The following KLHL3 variants were observed in gnomAD, a reference collection of about 807,000 sequenced individuals.
KLHL3 encodes kelch-like protein 3.
A neutral mutation model predicts 70.5 loss-of-function variants in KLHL3; 19 were observed. That is an observed-to-expected ratio of 0.27 (90% CI 0.19 to 0.40). The LOEUF is 0.40. Among genes scored for constraint, KLHL3 ranks in the 10% least tolerant of loss-of-function variants. The pLI is 1.00. For synonymous variants in KLHL3, 258 were observed against 290.3 expected, an observed-to-expected ratio of 0.89 and a Z score of 1.13; for missense variants, 512 against 771.1, an observed-to-expected ratio of 0.66 and a Z score of 3.98.
At chr5:137,717,292 A>G (rs1049102834) in intron 2 of KLHL3, among the ~76,000 whole-genome samples, 4 of 152,270 alleles carry the variant, frequency 2.6e-5, no homozygotes, top group Non-Finnish European at 5.9e-5. Context: ...ATGCAAAGTT[A>G]CAAAATCTGT....
At chr5:137,623,305 T>A (rs1750367695) in intron 14 of KLHL3, among the ~76,000 whole-genome samples, 1 of 152,230 alleles carries the variant, frequency 6.6e-6, no homozygotes, top group Admixed American at 6.5e-5. Context: ...TGATTGAAGA[T>A]GAGATTGAGA....
intron 3 of KLHL3, among the ~76,000 whole-genome samples, chr5:137,703,875 A>C (rs1752621588): frequency 1.0e-5 from 1 of 96,022 alleles, no homozygotes; most frequent in Non-Finnish European, 2.4e-5. Context: ...TAGTGACTAC[A>C]AAAAAAAAAA....
At chr5:137,623,581 G>C (rs138760197) in intron 14 of KLHL3, among the ~76,000 whole-genome samples, 4 of 151,996 alleles carry the variant, frequency 2.6e-5, no homozygotes, top group African/African-American at 7.3e-5. Context: ...TCTCATTATG[G>C]GAAATCTGGA....
At chr5:137,729,973 C>A (rs1346227938) in intron 1 of KLHL3, among the ~76,000 whole-genome samples, 2 of 152,112 alleles carry the variant, frequency 1.3e-5, no homozygotes, top group African/African-American at 2.4e-5. Context: ...TAGAATTAGG[C>A]TGAATCGCTA....
chr5:137,668,371 G>A (rs1040718171), intron 6 of KLHL3, among the ~76,000 whole-genome samples: 13 of 152,052 alleles, frequency 8.5e-5, no homozygotes, highest in Admixed American at 3.9e-4. Context: ...AGATTGCACC[G>A]CTGCACTCCA....
At position 137,632,254 on chromosome 5, in the gene KLHL3, A is replaced by C. The variant is rs141591256; in HGVS notation, c.1450+1783T>G. On this transcript the variant is annotated intron_variant, in intron 12 of 14. Transcript: ENST00000309755. ...GAAGTATCACATTACCTGACTTCAA[A>C]TTATATTACAAGGCTATAGTAACTA... 4.4e-3 allele frequency among the ~76,000 whole-genome samples: 677 copies of C among 152,342 alleles called. 10 individuals carry two copies. In the South Asian group the frequency reaches 0.045, roughly 10 times the overall value.
chr5:137,692,317 G>C lies in KLHL3; in HGVS notation c.494C>G (p.Thr165Ser). Residue 165 changes from threonine (T) to serine (S), a missense_variant, in exon 5 of 15, where the codon ACT (threonine) becomes AGT (serine). Transcript: ENST00000309755. ...GGCATTGGCCTGCTGCAGAAGGTCA[G>C]TGCAGGTGTGTACATCTGCAAATGC... ...IRAFADVHTC[T>S]DLLQQANAYA... The C allele has an allele frequency of 6.2e-7, 1 of 1,613,254 alleles. No homozygotes were observed. The highest frequency in any genetic ancestry group is 1.1e-5 in the South Asian group (1 of 90,970).
At chr5:137,642,310 C>T (rs1334701304) in intron 8 of KLHL3, among the ~76,000 whole-genome samples, 1 of 152,224 alleles carries the variant, frequency 6.6e-6, no homozygotes, top group Non-Finnish European at 1.5e-5. Context: ...GAAACCTTCC[C>T]ATCTCTGAGC....
rs118003429 is a variant in KLHL3 at position 137,634,878 on chromosome 5, T to C, written c.1322-713A>G. On this transcript the variant is annotated intron_variant, in intron 11 of 14. Transcript: ENST00000309755. ...TGGGGGCTGAGGGCTGAGAGTGAGG[T>C]TGGACACAGGAGGAAAAATTTGGCA... Among the ~76,000 whole-genome samples, 33 of 152,214 alleles carry C rather than the reference T, an allele frequency of 2.2e-4. 1 individual carries two copies. The East Asian group carries it at 6.4e-3, about 29-fold the overall frequency.
chr5:137,624,541 T>C (rs1471073486), intron 14 of KLHL3, among the ~76,000 whole-genome samples: 2 of 152,258 alleles, frequency 1.3e-5, no homozygotes, highest in Non-Finnish European at 2.9e-5. Context: ...AGAAGTCTTA[T>C]GTTGAAAGAA....
intron 8 of KLHL3, 54 bp downstream of exon 8, chr5:137,658,077 C>A: frequency 6.5e-7 from 1 of 1,544,582 alleles, no homozygotes; most frequent in Non-Finnish European, 8.7e-7. Context: ...GAGTGGAAGG[C>A]CACTTTCCCA....
At chr5:137,688,765 G>C (rs141324260) in intron 5 of KLHL3, among the ~76,000 whole-genome samples, 11 of 152,332 alleles carry the variant, frequency 7.2e-5, no homozygotes, top group African/African-American at 2.6e-4. Context: ...GGTTTCCTCA[G>C]CTATCATATG....
intron 13 of KLHL3, chr5:137,628,048 A>G (rs758467382): frequency 5.9e-6 from 3 of 508,692 alleles, no homozygotes; most frequent in Non-Finnish European, 1.1e-5. Flanking sequence ...GTGTGCGGTA[A>G]AAGTCATCAC....
At chr5:137,698,984 C>T (rs1752509000) in intron 3 of KLHL3, among the ~76,000 whole-genome samples, 1 of 152,114 alleles carries the variant, frequency 6.6e-6, no homozygotes, top group African/African-American at 2.4e-5. Context: ...AAACTGAGCA[C>T]AGGAGGGTAG....
At chr5:137,677,507 G>A (rs757779686) in intron 6 of KLHL3, 38 bp downstream of exon 6, 7 of 1,217,594 alleles carry the variant, frequency 5.7e-6, no homozygotes, top group South Asian at 1.3e-5. Flanking sequence ...ACCACCTGAC[G>A]AGTGAGGTTC....
rs183960193 is a variant in KLHL3, at chr5:137,699,008, C to T, written c.242-600G>A. On this transcript the variant is annotated intron_variant, in intron 3 of 14. Coordinates refer to ENST00000309755, the MANE Select transcript of KLHL3 (RefSeq NM_017415.3). ...ACAGGAGGGTAGGTAATTCATTTTG[C>T]CCACAGTCACACACCTAGGAAAGGC... Among the ~76,000 whole-genome samples the T allele has an allele frequency of 1.8e-4, 28 of 152,190 alleles. No homozygotes were observed. In the East Asian group the frequency reaches 5.4e-3, roughly 29 times the overall value.
Position 137,618,669 on chromosome 5 carries a change from C to T in KLHL3, c.*3429G>A, listed in dbSNP as rs1190794697. On this transcript the variant is annotated 3_prime_UTR_variant, in exon 15 of 15. Coordinates refer to ENST00000309755, the MANE Select transcript of KLHL3 (RefSeq NM_017415.3). ...TGGGGGGGCAGGCCTTTCCCTGAGG[C>T]TTCTCCATGCCACAGGGTACCAGGC... 4 of 151,756 alleles carry T rather than the reference C, an allele frequency of 2.6e-5. No individual in the cohort carries two copies. The highest frequency in any genetic ancestry group is 9.7e-5 in the African/African-American group (4 of 41,282). 9.4% of individuals were successfully genotyped at this position (151,756 alleles called of 1,614,324 possible). A position where few individuals can be genotyped will look rare whatever the true frequency, so the allele number is the denominator to read the frequency against.
At chr5:137,623,351 G>A (rs1007439728) in intron 14 of KLHL3, among the ~76,000 whole-genome samples, 9 of 152,190 alleles carry the variant, frequency 5.9e-5, no homozygotes, top group Non-Finnish European at 1.2e-4. Context: ...TACCCCACTG[G>A]AGATATTCTG....
At chr5:137,659,989 C>G (rs1364866050) in intron 7 of KLHL3, among the ~76,000 whole-genome samples, 2 of 152,150 alleles carry the variant, frequency 1.3e-5, no homozygotes, top group East Asian at 3.9e-4. Context: ...CCAGGGCTTT[C>G]CCTTCCTTCT....
Sources: gnomAD v4.1 joint callset for allele counts (sites outside exome capture counted in the v4.1 genomes callset) on GRCh38, gnomAD v4.1.1 for gene constraint, MANE v1.5 for transcripts, NCBI Gene and HGNC (gene_info 2026-07-23, HGNC 2026-07-21) for gene names.